The following GRM7 variants were observed in gnomAD, a reference collection of about 807,000 sequenced individuals.
The protein encoded by GRM7 is metabotropic glutamate receptor 7.
Under a neutral mutation model 84.5 loss-of-function variants are expected in GRM7, and 35 were observed. The ratio of observed to expected loss-of-function variants is 0.41; its 90% CI spans 0.32 to 0.55. GRM7 has a LOEUF of 0.55. Ranked by LOEUF, GRM7 falls within the 20% of genes least tolerant of loss-of-function variation. The pLI is 0.19. For synonymous variants in GRM7, 487 were observed against 455.1 expected (o/e 1.07, Z -0.89); for missense variants, 1,003 against 1,194.6 (o/e 0.84, Z 2.36).
chr3:7,356,763 C>G (rs1420519506), intron 4 of GRM7, among the ~76,000 whole-genome samples: 8 of 152,030 alleles, frequency 5.3e-5, no homozygotes, highest in Non-Finnish European at 5.9e-5. Flanking sequence ...GGTCTCAGGC[C>G]TTTGGCCTCA....
chr3:7,650,807 T>G (rs1698898356), intron 8 of GRM7, among the ~76,000 whole-genome samples: 1 of 152,230 alleles, frequency 6.6e-6, no homozygotes, highest in African/African-American at 2.4e-5. Context: ...AACCTTAGCC[T>G]CCTGGCTCCA....
intron 9 of GRM7, among the ~76,000 whole-genome samples, chr3:7,688,065 G>T (rs1047416092): frequency 6.6e-6 from 1 of 151,982 alleles, no homozygotes; most frequent in Admixed American, 6.6e-5. Context: ...GTCTTTTTAC[G>T]TGAGACTGAC....
At chr3:7,600,774 G>A (rs1414012422) in intron 8 of GRM7, among the ~76,000 whole-genome samples, 1 of 152,130 alleles carries the variant, frequency 6.6e-6, no homozygotes, top group African/African-American at 2.4e-5. Flanking sequence ...ATGTTTAACT[G>A]AATTGATGGA....
At chr3:7,429,499 T>C (rs1011155352) in intron 5 of GRM7, among the ~76,000 whole-genome samples, 4 of 152,192 alleles carry the variant, frequency 2.6e-5, no homozygotes, top group African/African-American at 9.6e-5. Context: ...TTCCATATGT[T>C]TGGGTATAGA....
At chr3:6,982,254 G>A (rs750333596) in intron 1 of GRM7, among the ~76,000 whole-genome samples, 6 of 152,102 alleles carry the variant, frequency 3.9e-5, no homozygotes, top group South Asian at 2.1e-4. Context: ...TTGGGTATAC[G>A]TGGCTATAAA....
chr3:7,622,031 C>T (rs12107224), intron 8 of GRM7, among the ~76,000 whole-genome samples: 13,742 of 152,176 alleles, frequency 0.09, 827 homozygotes, highest in African/African-American at 0.16. Context: ...TCTCAGCATT[C>T]GCAGTCCTGG....
chr3:7,386,680 C>A (rs1694798505), intron 4 of GRM7, among the ~76,000 whole-genome samples: 1 of 152,054 alleles, frequency 6.6e-6, no homozygotes, highest in Non-Finnish European at 1.5e-5. Context: ...TAATGGGAAC[C>A]TATACAGATT....
chr3:7,509,531 TC>T (rs1361713580), intron 7 of GRM7, among the ~76,000 whole-genome samples: 1 of 152,118 alleles, frequency 6.6e-6, no homozygotes, highest in East Asian at 1.9e-4. Flanking sequence ...GATATATGTA[TC>T]CCCTGAAGAT....
chr3:7,007,035 ATTAC>A (rs1421606912), intron 1 of GRM7, among the ~76,000 whole-genome samples: 14 of 152,206 alleles, frequency 9.2e-5, no homozygotes, highest in Non-Finnish European at 1.9e-4. Flanking sequence ...TAATTTGGTT[ATTAC>A]TTCTGGATAG....
chr3:6,961,054 C>A (rs768104069), intron 1 of GRM7, among the ~76,000 whole-genome samples: 1 of 152,146 alleles, frequency 6.6e-6, no homozygotes, highest in South Asian at 2.1e-4. Context: ...TTACACTGAT[C>A]GTTTGCCCAA....
chr3:7,186,974 T>C (rs949605029), intron 2 of GRM7, among the ~76,000 whole-genome samples: 9 of 152,048 alleles, frequency 5.9e-5, no homozygotes, highest in Admixed American at 2.6e-4. Flanking sequence ...GTCTCAGCTG[T>C]TTGGGAGGCT....
At chr3:6,910,872 A>G (rs1696744558) in intron 1 of GRM7, among the ~76,000 whole-genome samples, 1 of 152,170 alleles carries the variant, frequency 6.6e-6, no homozygotes, top group South Asian at 2.1e-4. Flanking sequence ...TTTCTTAGTC[A>G]TGGAGGAGCA....
chr3:7,577,917 G>C (rs779305110), intron 7 of GRM7, among the ~76,000 whole-genome samples: 4 of 152,144 alleles, frequency 2.6e-5, no homozygotes, highest in African/African-American at 4.8e-5. Flanking sequence ...AATAATTTTA[G>C]AACATTTTTA....
chr3:7,209,600 CATAG>C (rs1198993644), intron 2 of GRM7, among the ~76,000 whole-genome samples: 2 of 152,100 alleles, frequency 1.3e-5, no homozygotes, highest in Non-Finnish European at 2.9e-5. Context: ...CTATGGCAGG[CATAG>C]AGAATGTGGA....
At chr3:7,334,523 C>T (rs2125070036) in intron 4 of GRM7, among the ~76,000 whole-genome samples, 1 of 151,914 alleles carries the variant, frequency 6.6e-6, no homozygotes, top group East Asian at 1.9e-4. Context: ...ACACAACATA[C>T]ATAGGCAACA....
intron 9 of GRM7, chr3:7,694,535 G>T: frequency 5.1e-6 from 1 of 194,682 alleles, no homozygotes; most frequent in Non-Finnish European, 9.3e-6. Flanking sequence ...CACATCTCCT[G>T]TCTTGTCTTC....
rs575593584 is a variant in GRM7, at chr3:7,259,802, T to C, written c.737-38882T>C. On this transcript the variant is annotated intron_variant, in intron 2 of 9. Coordinates refer to ENST00000357716, the MANE Select transcript of GRM7 (RefSeq NM_000844.4). Reference sequence around the variant, plus strand: ...AATGATTTATATTTTTTTGGGTATATACCCAGTAATGGGATTTCTGGATTG... The same window carrying C: ...AATGATTTATATTTTTTTGGGTATACACCCAGTAATGGGATTTCTGGATTG... 9.2e-5 allele frequency among the ~76,000 whole-genome samples: 14 copies of C among 152,290 alleles called. No homozygotes were observed. In the East Asian group the frequency reaches 2.1e-3, roughly 23 times the overall value.
At chr3:7,276,156 G>A (rs1327832977) in intron 2 of GRM7, among the ~76,000 whole-genome samples, 1 of 151,450 alleles carries the variant, frequency 6.6e-6, no homozygotes, top group African/African-American at 2.4e-5. Flanking sequence ...GAATGCTGGA[G>A]AAGAAATCAG....
At chr3:7,352,702 T>G (rs762030609) in intron 4 of GRM7, among the ~76,000 whole-genome samples, 2 of 152,104 alleles carry the variant, frequency 1.3e-5, no homozygotes, top group Non-Finnish European at 2.9e-5. Flanking sequence ...AATATTGAGC[T>G]CTTAAATTCT....
Sources: allele counts gnomAD v4.1 joint callset (sites outside exome capture counted in the v4.1 genomes callset), GRCh38; gene constraint gnomAD v4.1.1; transcripts MANE v1.5; gene names NCBI Gene and HGNC (gene_info 2026-07-23, HGNC 2026-07-21).